PLEKHM1: variants seen among roughly 807,000 people sequenced by gnomAD.
The protein encoded by PLEKHM1 is pleckstrin homology domain-containing family M member 1.
PLEKHM1 carries 28 observed loss-of-function variants against 94.3 expected under a neutral mutation model. That is an observed-to-expected ratio of 0.30 (90% CI 0.22 to 0.41). The LOEUF (loss-of-function observed/expected upper bound fraction) is 0.41. Among genes scored for constraint, PLEKHM1 ranks in the 10% least tolerant of loss-of-function variants. PLEKHM1 has a pLI of 1.00. For synonymous variants in PLEKHM1, 424 were observed against 581.2 expected (o/e 0.73, Z 3.89); for missense variants, 907 against 1,358.6 (o/e 0.67, Z 5.22).
Position 45,435,982 on chromosome 17 carries a change from T to A in PLEKHM1, c.*1876A>T. ...TCCTTCAATACATTGCAAAGACTCC[T>A]CAGGGCCAGAGCCCTGCTCACTAGG... is the stretch of plus-strand genomic sequence containing the variant. On this transcript the variant is annotated 3_prime_UTR_variant, in exon 12 of 12. Transcript: ENST00000430334. The A allele has an allele frequency of 2.2e-6, 1 of 456,662 alleles. No individual in the cohort carries two copies. The allele number at this position is 456,662 out of a possible 1,614,324, so 28.3% of individuals were successfully genotyped here. A position where few individuals can be genotyped will look rare whatever the true frequency, so the allele number is the denominator to read the frequency against.
chr17:45,454,394 G>A, intron 6 of PLEKHM1, 122 bp from the exon 7 acceptor site: 1 of 864,742 alleles, frequency 1.2e-6, no homozygotes, highest in South Asian at 1.4e-5. Flanking sequence ...CAGAACACAG[G>A]CCAGCCACGG....
intron 5 of PLEKHM1, among the ~76,000 whole-genome samples, chr17:45,463,586 T>A (rs1205611668): frequency 6.6e-6 from 1 of 152,044 alleles, no homozygotes; most frequent in African/African-American, 2.4e-5. Context: ...ACAGACGGGG[T>A]TTCACCATAT....
At chr17:45,442,807 C>T (rs1412983284) in intron 9 of PLEKHM1, among the ~76,000 whole-genome samples, 1 of 152,046 alleles carries the variant, frequency 6.6e-6, no homozygotes, top group Non-Finnish European at 1.5e-5. Context: ...CCAAAGGCCT[C>T]GAGGGCCCTT....
chr17:45,486,051 C>T (rs2052104368), intron 1 of PLEKHM1, among the ~76,000 whole-genome samples: 1 of 147,418 alleles, frequency 6.8e-6, no homozygotes, highest in African/African-American at 2.5e-5. Context: ...CCCGTCTCTA[C>T]TAAAAATACA....
chr17:45,458,464 G>A, intron 5 of PLEKHM1, 25 bp from the exon 6 acceptor site: 1 of 1,601,400 alleles, frequency 6.2e-7, no homozygotes, highest in East Asian at 2.2e-5. Context: ...GACAACAGTT[G>A]TTTGTTTTAA....
At position 45,450,623 on chromosome 17, in the gene PLEKHM1, G is replaced by A. The variant is rs759299269; in HGVS notation, c.2638C>T (p.Arg880Cys). Residue 880 changes from arginine (R) to cysteine (C), a missense_variant, in exon 8 of 12, where the codon CGC (arginine) becomes TGC (cysteine). By Grantham distance (180) the Arg-to-Cys change is radical. Coordinates refer to ENST00000430334, the MANE Select transcript of PLEKHM1 (RefSeq NM_014798.3). Reference sequence around the variant, plus strand: ...CTGCTGGGCTTGAGACTTACCGGGCGCTTGGTGAGGTCCCAGTTGTGGATG... The same window carrying A: ...CTGCTGGGCTTGAGACTTACCGGGCACTTGGTGAGGTCCCAGTTGTGGATG... ...RIIHNWDLTK[R>C]PICRQALKFL... 9 of 1,613,552 alleles carry A rather than the reference G, an allele frequency of 5.6e-6. No homozygotes were observed. The highest frequency in any genetic ancestry group is 1.1e-5 in the South Asian group (1 of 91,014).
chr17:45,450,327 C>G (rs2050742076), intron 8 of PLEKHM1, among the ~76,000 whole-genome samples: 1 of 152,264 alleles, frequency 6.6e-6, no homozygotes, highest in African/African-American at 2.4e-5. Context: ...ATCTATCTAT[C>G]ATTTATCTGC....
chr17:45,437,764 G>GTCCCCTTGTC lies in PLEKHM1; in HGVS notation c.*93_*94insGACAAGGGGA. The GTCCCCTTGTC allele has an allele frequency of 2.1e-6, 2 of 958,632 alleles. No individual in the cohort carries two copies. The highest frequency in any genetic ancestry group is 3.4e-6 in the Non-Finnish European group (2 of 588,684). The allele number at this position is 958,632 out of a possible 1,614,324, so 59.4% of individuals were successfully genotyped here. On this transcript the variant is annotated 3_prime_UTR_variant, in exon 12 of 12. Transcript: ENST00000430334. This position sits in a 1 kb window ranked among gnomAD's most constrained non-coding sequence, Gnocchi z 4.0. The stretch of plus-strand genomic sequence containing the variant: ...CTTCCTGACAAGGGGACACAGCTGT[G>GTCCCCTTGTC]ACACGGTGAGTATCCTGGGCTGATG...
chr17:45,470,711 T>G (rs1185222597), intron 4 of PLEKHM1, among the ~76,000 whole-genome samples: 1 of 150,454 alleles, frequency 6.6e-6, no homozygotes, highest in African/African-American at 2.4e-5. Context: ...CAGGCTGGAG[T>G]GCAGTGGCGC....
Position 45,468,087 on chromosome 17 carries a change from C to A in PLEKHM1, c.1308+122G>T, listed in dbSNP as rs537727980. 7 of 1,074,542 alleles carry A rather than the reference C, an allele frequency of 6.5e-6. No homozygotes were observed. The South Asian group carries it at 8.0e-5, about 12-fold the overall frequency. The allele number at this position is 1,074,542 out of a possible 1,614,324, so 66.6% of individuals were successfully genotyped here. A position where few individuals can be genotyped will look rare whatever the true frequency, so the allele number is the denominator to read the frequency against. On this transcript the variant is annotated intron_variant, in intron 5 of 11. Transcript: ENST00000430334. ...CATCATGATGCTATTAACACTATCA[C>A]TATGCAGGGAGAGGAAGGCTAACAG...
intron 4 of PLEKHM1, among the ~76,000 whole-genome samples, chr17:45,474,081 G>C (rs1465935649): frequency 2.7e-5 from 4 of 149,220 alleles, no homozygotes; most frequent in Admixed American, 6.7e-5. Context: ...TTTTGAGACA[G>C]AGTCTTACTC....
chr17:45,468,618 T>G (rs2051399898), intron 4 of PLEKHM1, 25 bp from the exon 5 acceptor site: 1 of 1,613,884 alleles, frequency 6.2e-7, no homozygotes, highest in Admixed American at 1.7e-5. Context: ...CAAAGAAACC[T>G]GTGTGACAGG....
chr17:45,447,260 C>T (rs1452366635), intron 8 of PLEKHM1, among the ~76,000 whole-genome samples: 2 of 152,194 alleles, frequency 1.3e-5, no homozygotes, highest in Non-Finnish European at 2.9e-5. Flanking sequence ...CCACCAGCAT[C>T]TCTCACCTCC....
Position 45,453,730 on chromosome 17 carries a change from C to G in PLEKHM1, c.2122G>C (p.Glu708Gln). The G allele has an allele frequency of 6.2e-7, 1 of 1,613,934 alleles. No homozygotes were observed. The highest frequency in any genetic ancestry group is 2.2e-5 in the East Asian group (1 of 44,878). The change falls in exon 7 of 12, where the codon GAG becomes CAG. Residue 708 changes from glutamate (E) to glutamine (Q), a missense_variant. By Grantham distance (29) the Glu-to-Gln change is conservative (BLOSUM62 2). Around this residue, in one of 3 missense-constraint regions of PLEKHM1, gnomAD observed 477 missense variants for 601.5 expected, o/e 0.79. Coordinates refer to ENST00000430334, the MANE Select transcript of PLEKHM1 (RefSeq NM_014798.3). This position sits in a 1 kb window ranked among gnomAD's most constrained non-coding sequence, Gnocchi z 4.1. ...WMPYIFSLSLEALKCFRIRNN... is the reference protein window; with the variant it reads ...WMPYIFSLSLQALKCFRIRNN... ...CTGATGCGGAAACATTTCAGAGCCT[C>G]CAAGGACAGAGAAAATATATAGGGC... is the stretch of plus-strand genomic sequence containing the variant.
rs774386611 is a variant in PLEKHM1 at position 45,436,385 on chromosome 17, G to A, written c.*1473C>T. 34 of 454,006 alleles carry A rather than the reference G, an allele frequency of 7.5e-5. No homozygotes were observed. Among genetic ancestry groups the A allele is most frequent in the Non-Finnish European group, 1.2e-4 (27 of 226,764 alleles). 28.1% of individuals were successfully genotyped at this position (454,006 alleles called of 1,614,324 possible). On this transcript the variant is annotated 3_prime_UTR_variant, in exon 12 of 12. Transcript: ENST00000430334. ...GCGCAGCCTCCACCTGCCTGCCACC[G>A]TTGCCTCTGTTCTGCTGCACAGGCA...
intron 9 of PLEKHM1, among the ~76,000 whole-genome samples, chr17:45,441,940 A>G (rs1046527091): frequency 6.6e-6 from 1 of 152,076 alleles, no homozygotes; most frequent in Non-Finnish European, 1.5e-5. Flanking sequence ...CGATGAAGTG[A>G]TGGGGAAGGA....
intron 4 of PLEKHM1, among the ~76,000 whole-genome samples, chr17:45,473,240 G>A (rs1431197872): frequency 6.6e-6 from 1 of 152,024 alleles, no homozygotes; most frequent in Non-Finnish European, 1.5e-5. Context: ...TTAAATACTG[G>A]GCTGATTAAG....
rs1459237740 is a variant in PLEKHM1 at position 45,475,292 on chromosome 17, T to C, written c.731A>G (p.Asn244Ser). ...VHHSGHKIRRNQKLTASSLSL... is the reference protein window; with the variant it reads ...VHHSGHKIRRSQKLTASSLSL... ...GAGGGAGGAGGCAGTCAGCTTCTGG[T>C]TCCTCCGTATCTTATGGCCCGAGTG... The change falls in exon 4 of 12, where the codon AAC becomes AGC. Residue 244 changes from asparagine to serine, a missense_variant. By Grantham distance (46) the Asn-to-Ser change is conservative. This residue lies in a region of PLEKHM1 where 477 missense variants were observed against 601.5 expected (regional missense o/e 0.79). Coordinates refer to ENST00000430334, the MANE Select transcript of PLEKHM1 (RefSeq NM_014798.3). The C allele has an allele frequency of 6.2e-7, 1 of 1,613,970 alleles. No individual in the cohort carries two copies. The highest frequency in any genetic ancestry group is 1.1e-5 in the South Asian group (1 of 91,072).
At chr17:45,486,224 A>T (rs2052116042) in intron 1 of PLEKHM1, among the ~76,000 whole-genome samples, 2 of 147,854 alleles carry the variant, frequency 1.4e-5, no homozygotes, top group Non-Finnish European at 1.5e-5. Flanking sequence ...CTCAAAAAAA[A>T]AAAGATAAAA....
Sources: allele counts gnomAD v4.1 joint callset (sites outside exome capture counted in the v4.1 genomes callset), GRCh38; gene constraint gnomAD v4.1.1; regional missense constraint gnomAD v4.1.1; non-coding constraint Gnocchi (gnomAD v3.1); transcripts MANE v1.5; gene names NCBI Gene and HGNC (gene_info 2026-07-23, HGNC 2026-07-21).